The following ARMH1 variants were observed in gnomAD, a reference collection of about 807,000 sequenced individuals.
The protein encoded by ARMH1 is armadillo-like helical domain containing protein 1.
Under a neutral mutation model 50.2 loss-of-function variants are expected in ARMH1, and 34 were observed. The ratio of observed to expected loss-of-function variants is 0.68; its 90% CI spans 0.51 to 0.90. ARMH1 has a LOEUF of 0.90. ARMH1 is among the 40% of genes least tolerant of loss of function. The pLI is 0.00. For synonymous variants in ARMH1, 221 were observed against 224.2 expected, an observed-to-expected ratio of 0.99 and a Z score of 0.13; for missense variants, 538 against 553.9, an observed-to-expected ratio of 0.97 and a Z score of 0.29.
intron 5 of ARMH1, among the ~76,000 whole-genome samples, chr1:44,701,998 G>A (rs1189802044): frequency 2.0e-5 from 3 of 152,020 alleles, no homozygotes; most frequent in South Asian, 2.1e-4. Context: ...CCAGCTGCTC[G>A]GGAGGCTGTG....
chr1:44,725,084 AG>A (rs1450256190), intron 10 of ARMH1, 51 bp from the exon 11 acceptor site: 4 of 1,550,280 alleles, frequency 2.6e-6, no homozygotes, highest in Non-Finnish European at 2.6e-6. Context: ...CCCAACTCCA[AG>A]TCCAGACTGC....
Position 44,681,216 on chromosome 1 carries a change from C to G in ARMH1, c.-23+6343C>G, listed in dbSNP as rs569100766. On this transcript the variant is annotated intron_variant, in intron 1 of 11. Transcript: ENST00000535358. This position sits in a 1 kb window ranked among gnomAD's most constrained non-coding sequence, Gnocchi z 4.3. ...TTCACCGTGTTAGCCAGGATGGTCT[C>G]GATCTCCTGACCTCGTGATCTGTCT... Among the ~76,000 whole-genome samples, 57 of 152,144 alleles carry G rather than the reference C, an allele frequency of 3.7e-4. No individual in the cohort carries two copies. The highest frequency in any genetic ancestry group is 7.9e-4 in the Admixed American group (12 of 15,276).
At chr1:44,688,964 TAA>T (rs1234824749) in intron 1 of ARMH1, 1 of 152,208 alleles carries the variant, frequency 6.6e-6, no homozygotes, top group African/African-American at 2.4e-5. Flanking sequence ...GTGATTGGCA[TAA>T]GAGGGAGGCC....
intron 6 of ARMH1, among the ~76,000 whole-genome samples, chr1:44,722,223 T>G (rs1283058224): frequency 1.3e-5 from 2 of 152,072 alleles, no homozygotes; most frequent in Admixed American, 1.3e-4. Context: ...GGAGAGCACA[T>G]GGCCAAGTCC....
chr1:44,718,075 T>G (rs1032261177), intron 6 of ARMH1, among the ~76,000 whole-genome samples: 1 of 152,268 alleles, frequency 6.6e-6, no homozygotes, highest in African/African-American at 2.4e-5. Context: ...TAGTCAGAAC[T>G]AGACATTTGT....
At chr1:44,687,348 T>A (rs1338895361) in intron 1 of ARMH1, among the ~76,000 whole-genome samples, 1 of 152,196 alleles carries the variant, frequency 6.6e-6, no homozygotes, top group Non-Finnish European at 1.5e-5. Context: ...CTTTAAAGAC[T>A]GTATCTGCAT....
intron 6 of ARMH1, among the ~76,000 whole-genome samples, chr1:44,717,084 C>T (rs1034772028): frequency 3.3e-5 from 5 of 152,064 alleles, no homozygotes; most frequent in African/African-American, 7.2e-5. Flanking sequence ...CTCCTGACCT[C>T]GTGATCCAAC....
chr1:44,716,305 A>G (rs1646849902), intron 6 of ARMH1, among the ~76,000 whole-genome samples: 1 of 152,210 alleles, frequency 6.6e-6, no homozygotes, highest in South Asian at 2.1e-4. Flanking sequence ...TGTTAACTCT[A>G]TGCTGGATAC....
chr1:44,697,104 A>T lies in ARMH1; in HGVS notation c.209A>T (p.Tyr70Phe). Residue 70 changes from tyrosine (Y) to phenylalanine (F), a missense_variant and splice_region_variant, in exon 3 of 12, where the codon TAT becomes TTT. Transcript: ENST00000535358. ...VRLTTSLRIT[Y>F]MTDSCLEKLL... ...TCACTCTTTAACGTGTCATACAGCT[A>T]TATGACTGACTCATGTTTAGAAAAG... The T allele has an allele frequency of 6.5e-7, 1 of 1,549,784 alleles. No homozygotes were observed. Among genetic ancestry groups the T allele is most frequent in the Non-Finnish European group, 8.7e-7 (1 of 1,144,770 alleles).
At chr1:44,705,838 C>T (rs1171251846) in intron 6 of ARMH1, among the ~76,000 whole-genome samples, 8 of 151,926 alleles carry the variant, frequency 5.3e-5, no homozygotes, top group South Asian at 4.2e-4. Context: ...TTCACCGAGA[C>T]GGTGGTGTTT....
At chr1:44,716,626 C>G (rs1039329791) in intron 6 of ARMH1, among the ~76,000 whole-genome samples, 5 of 152,158 alleles carry the variant, frequency 3.3e-5, no homozygotes, top group Non-Finnish European at 7.3e-5. Flanking sequence ...CAAGACCAGT[C>G]AATTCTAACT....
At chr1:44,677,852 A>T (rs576509946) in intron 1 of ARMH1, among the ~76,000 whole-genome samples, 36 of 152,268 alleles carry the variant, frequency 2.4e-4, no homozygotes, top group Non-Finnish European at 4.1e-4. Flanking sequence ...TTGAAGTAGT[A>T]AGGGCTTTTA....
intron 1 of ARMH1, among the ~76,000 whole-genome samples, chr1:44,680,623 A>G (rs1423314340): frequency 6.6e-6 from 1 of 152,310 alleles, no homozygotes; most frequent in Admixed American, 6.5e-5. Flanking sequence ...CTTTGTTTGT[A>G]TATTTATTTG....
intron 4 of ARMH1, among the ~76,000 whole-genome samples, chr1:44,700,344 G>A (rs532473589): frequency 4.5e-4 from 69 of 152,238 alleles, no homozygotes; most frequent in African/African-American, 1.6e-3. Flanking sequence ...ATGGCCGGGC[G>A]CCGTGGCTCA....
In ARMH1 at chr1:44,695,007, AG is replaced by A. The variant is rs1645780641; in HGVS notation, c.207-2094del. Reference sequence around the variant, plus strand: ...AGTTAGAACCGGGTGTCTGTCCGAAAGCCTATACACCATCATGTCTCCTACT... The same window carrying A: ...AGTTAGAACCGGGTGTCTGTCCGAAACCTATACACCATCATGTCTCCTACT... On this transcript the variant is annotated intron_variant, in intron 2 of 11. Coordinates refer to ENST00000535358, the MANE Select transcript of ARMH1 (RefSeq NM_001145636.2). 5.9e-5 allele frequency among the ~76,000 whole-genome samples: 9 copies of A among 152,294 alleles called. No homozygotes were observed. The South Asian group carries it at 1.9e-3, about 32-fold the overall frequency.
rs932429549 is a variant in ARMH1 at position 44,682,083 on chromosome 1, G to A, written c.-23+7210G>A. On this transcript the variant is annotated intron_variant, in intron 1 of 11. Transcript: ENST00000535358. The surrounding 1 kb of genome is among the most constrained non-coding windows in gnomAD (Gnocchi z 4.5). ...TTAACCAATCCCAAGCCCAGTGCTC[G>A]GCTCAGAGTTGGCACCTGGGAATCT... Among the ~76,000 whole-genome samples the A allele has an allele frequency of 7.9e-5, 12 of 152,188 alleles. No homozygotes were observed. Among genetic ancestry groups the A allele is most frequent in the African/African-American group, 2.4e-4 (10 of 41,432 alleles).
chr1:44,684,884 A>G (rs1251342448), intron 1 of ARMH1, among the ~76,000 whole-genome samples: 6 of 152,320 alleles, frequency 3.9e-5, no homozygotes, highest in Admixed American at 3.3e-4. Flanking sequence ...AGGTCTACAC[A>G]CAGCATTGTG....
chr1:44,722,028 G>C (rs1189601432), intron 6 of ARMH1: 1 of 152,116 alleles, frequency 6.6e-6, no homozygotes, highest in Non-Finnish European at 1.5e-5. Context: ...TGTTCTCACT[G>C]GGTAAAATCT....
chr1:44,709,315 G>A (rs888798473), intron 6 of ARMH1, among the ~76,000 whole-genome samples: 4 of 151,604 alleles, frequency 2.6e-5, no homozygotes, highest in African/African-American at 9.8e-5. Context: ...CCATGTGGAT[G>A]TCTAACAGAC....
Sources: gnomAD v4.1 joint callset for allele counts (sites outside exome capture counted in the v4.1 genomes callset) on GRCh38, gnomAD v4.1.1 for gene constraint, Gnocchi (gnomAD v3.1) non-coding constraint, MANE v1.5 for transcripts, NCBI Gene and HGNC (gene_info 2026-07-23, HGNC 2026-07-21) for gene names.